Variants in SLA observed in about 807,000 individuals in gnomAD.
SLA encodes Src like adaptor.
A neutral mutation model predicts 30.3 loss-of-function variants in SLA; 16 were observed. The ratio of observed to expected loss-of-function variants is 0.53; its 90% CI spans 0.36 to 0.80. SLA has a LOEUF of 0.80. SLA is among the 30% of genes least tolerant of loss of function. SLA has a pLI of 0.01. For missense variants in SLA, 310 were observed against 345.2 expected, an observed-to-expected ratio of 0.90 and a Z score of 0.81; for synonymous variants, 143 against 137.8, an observed-to-expected ratio of 1.04 and a Z score of -0.26.
At chr8:133,046,839 T>C (rs1463243751) in intron 6 of SLA, among the ~76,000 whole-genome samples, 1 of 152,226 alleles carries the variant, frequency 6.6e-6, no homozygotes, top group Non-Finnish European at 1.5e-5. Flanking sequence ...CCCTGCTTTC[T>C]GAAAGCAAGG....
chr8:133,071,690 C>T (rs12545159), intron 2 of SLA, among the ~76,000 whole-genome samples: 29,284 of 151,900 alleles, frequency 0.19, 3,121 homozygotes, highest in Non-Finnish European at 0.24. Context: ...GGAGGGAACA[C>T]GTTCAGCTCC....
In SLA at chr8:133,038,537, T is replaced by A; in HGVS notation, c.818A>T (p.Tyr273Phe). Residue 273 changes from tyrosine (Y) to phenylalanine (F), a missense_variant, in exon 9 of 9, where the codon TAC becomes TTC. Coordinates refer to ENST00000338087, the MANE Select transcript of SLA (RefSeq NM_001045556.3). ...GTCTGTTCTTGGCTAGTCCTCAAAG[T>A]AAGGTGGTGATGAGAAGAATGAGCT... is the stretch of plus-strand genomic sequence containing the variant. ...RKSSFFSSPP[Y>F]FED The A allele has an allele frequency of 1.2e-6, 2 of 1,612,114 alleles. No individual in the cohort carries two copies. Among genetic ancestry groups the A allele is most frequent in the Non-Finnish European group, 1.7e-6 (2 of 1,178,132 alleles).
In SLA at chr8:133,047,874, G is replaced by A; in HGVS notation, c.308C>T (p.Thr103Ile). 1 of 1,612,602 alleles carries A rather than the reference G, an allele frequency of 6.2e-7. No individual in the cohort carries two copies. Among genetic ancestry groups the A allele is most frequent in the Non-Finnish European group, 8.5e-7 (1 of 1,178,794 alleles). The change falls in exon 6 of 9, where the codon ACA becomes ATA. Residue 103 changes from threonine to isoleucine, a missense_variant. By Grantham distance (89) the Thr-to-Ile change is moderately conservative. Transcript: ENST00000338087. ...TCTGATCATGAAGGAGCCGACCTTT[G>A]TGTCTGGCAGCTGCAGCAGCTCCTC... ...KAEELLQLPD[T>I]KVGSFMIRES...
chr8:133,093,674 A>C (rs769571066), intron 1 of SLA, among the ~76,000 whole-genome samples: 11 of 151,996 alleles, frequency 7.2e-5, no homozygotes, highest in Non-Finnish European at 1.3e-4. Context: ...CTTGCCTCTG[A>C]CCCTAGCCAC....
At chr8:133,062,872 G>A (rs562595772) in intron 2 of SLA, among the ~76,000 whole-genome samples, 2 of 152,262 alleles carry the variant, frequency 1.3e-5, no homozygotes, top group South Asian at 2.1e-4. Flanking sequence ...CAGGAAGCAT[G>A]TGTGTGACAT....
At chr8:133,040,832 G>A (rs1838080639) in intron 7 of SLA, among the ~76,000 whole-genome samples, 1 of 152,182 alleles carries the variant, frequency 6.6e-6, no homozygotes, top group Non-Finnish European at 1.5e-5. Context: ...AGGGCAAAGA[G>A]AATGCAGACA....
At chr8:133,045,183 C>G (rs1839089483) in intron 6 of SLA, 68 bp from the exon 7 acceptor site, 2 of 1,566,548 alleles carry the variant, frequency 1.3e-6, no homozygotes, top group Admixed American at 1.7e-5. Context: ...AGCTAACCAG[C>G]CCACCACCAC....
intron 1 of SLA, among the ~76,000 whole-genome samples, chr8:133,077,511 G>A (rs1845078986): frequency 6.6e-6 from 1 of 152,170 alleles, no homozygotes; most frequent in South Asian, 2.1e-4. Flanking sequence ...TTGAGAAAGT[G>A]TTCCTCATAC....
intron 5 of SLA, 91 bp from the exon 6 acceptor site, chr8:133,048,024 A>G: frequency 1.4e-6 from 1 of 692,696 alleles, no homozygotes; most frequent in South Asian, 1.7e-5. Context: ...AAGCACCTGA[A>G]ACCTAATCCT....
intron 1 of SLA, chr8:133,096,430 A>T (rs1042830152): frequency 6.9e-5 from 110 of 1,599,600 alleles, no homozygotes; most frequent in Non-Finnish European, 9.3e-5. Context: ...AGGGCTCTGG[A>T]CCTCAATGTC....
chr8:133,084,719 C>A (rs889596608), intron 1 of SLA, among the ~76,000 whole-genome samples: 1 of 152,226 alleles, frequency 6.6e-6, no homozygotes, highest in Admixed American at 6.5e-5. Flanking sequence ...CATTTCCCAG[C>A]AGAAGTGCCC....
At chr8:133,089,252 G>GCATATGGTGTTCCA (rs1847113038) in intron 1 of SLA, among the ~76,000 whole-genome samples, 1 of 152,172 alleles carries the variant, frequency 6.6e-6, no homozygotes, top group South Asian at 2.1e-4. Context: ...CTTCTGTTCC[G>GCATATGGTGTTCCA]CATATGGTGT....
At chr8:133,083,590 A>C (rs1224030485) in intron 1 of SLA, among the ~76,000 whole-genome samples, 2 of 152,194 alleles carry the variant, frequency 1.3e-5, no homozygotes, top group Admixed American at 1.3e-4. Context: ...ACAGATGAGG[A>C]AATGGAGACC....
At chr8:133,045,801 G>A (rs935892118) in intron 6 of SLA, among the ~76,000 whole-genome samples, 4 of 152,094 alleles carry the variant, frequency 2.6e-5, no homozygotes, top group Admixed American at 1.3e-4. Flanking sequence ...AGGATCCATG[G>A]TCGTTTTTGG....
At chr8:133,082,673 A>G (rs1845934091) in intron 1 of SLA, among the ~76,000 whole-genome samples, 1 of 152,198 alleles carries the variant, frequency 6.6e-6, no homozygotes, top group Non-Finnish European at 1.5e-5. Flanking sequence ...CTCCTAAACA[A>G]TAATGCCATT....
chr8:133,100,974 G>T (rs1318404795), intron 1 of SLA, among the ~76,000 whole-genome samples: 1 of 152,040 alleles, frequency 6.6e-6, no homozygotes, highest in Non-Finnish European at 1.5e-5. Flanking sequence ...TTTTTTCTGG[G>T]AAAGAAAGGC....
At chr8:133,075,394 C>G (rs1471629670) in intron 1 of SLA, among the ~76,000 whole-genome samples, 1 of 152,110 alleles carries the variant, frequency 6.6e-6, no homozygotes, top group Non-Finnish European at 1.5e-5. Flanking sequence ...CAGAGCAATG[C>G]TTTGAGATTA....
intron 2 of SLA, among the ~76,000 whole-genome samples, chr8:133,071,764 C>A (rs762880411): frequency 6.6e-5 from 10 of 152,188 alleles, no homozygotes; most frequent in Non-Finnish European, 8.8e-5. Flanking sequence ...CCTCTCTTCT[C>A]TCTCCCTGGC....
At chr8:133,038,998 C>T in intron 8 of SLA, among the ~76,000 whole-genome samples, 1 of 152,152 alleles carries the variant, frequency 6.6e-6, no homozygotes, top group Non-Finnish European at 1.5e-5. Context: ...CCTCCTTAGC[C>T]TCCTGAGTAG....
Sources: gnomAD v4.1 joint callset for allele counts (sites outside exome capture counted in the v4.1 genomes callset) on GRCh38, gnomAD v4.1.1 for gene constraint, MANE v1.5 for transcripts, NCBI Gene and HGNC (gene_info 2026-07-23, HGNC 2026-07-21) for gene names.